ARG2: variants seen among roughly 807,000 people sequenced by gnomAD.
ARG2 encodes arginase 2.
Under a neutral mutation model 39.4 loss-of-function variants are expected in ARG2, and 21 were observed. That is an observed-to-expected ratio of 0.53 (90% CI 0.38 to 0.77). The LOEUF (loss-of-function observed/expected upper bound fraction) is 0.77. Among genes scored for constraint, ARG2 ranks in the 30% least tolerant of loss-of-function variants. The probability of loss-of-function intolerance (pLI) is 0.00; values close to 1 mark genes in which losing one functional copy is unlikely to be tolerated. For missense variants in ARG2, 378 were observed against 426.2 expected (o/e 0.89, Z 1.00); for synonymous variants, 150 against 156.7 (o/e 0.96, Z 0.32).
At position 67,650,947 on chromosome 14, in the gene ARG2, C is replaced by A; in HGVS notation, c.*27C>A. ...AGACACTGTGCACTGACATGTTTCA[C>A]AACAGGCATTCCAGAATTATGAGGC... is the stretch of plus-strand genomic sequence containing the variant. On this transcript the variant is annotated 3_prime_UTR_variant, in exon 8 of 8. Transcript: ENST00000261783. 6.2e-7 allele frequency: 1 copy of A among 1,603,082 alleles called. No individual in the cohort carries two copies. The highest frequency in any genetic ancestry group is 1.1e-5 in the South Asian group (1 of 90,668).
intron 5 of ARG2, 82 bp downstream of exon 5, chr14:67,646,820 C>A: frequency 7.0e-7 from 1 of 1,422,710 alleles, no homozygotes; most frequent in Non-Finnish European, 9.9e-7. Flanking sequence ...TTAACTTGGT[C>A]TATTGCAGGT....
In ARG2 at chr14:67,648,244, G is replaced by A. The variant is rs2037126689; in HGVS notation, c.859+61G>A. On this transcript the variant is annotated intron_variant, in intron 7 of 7. Transcript: ENST00000261783. ...ATAGGTAAATATGCTAGAGTCTCTTGCCTGCAAAGGATCTTTTCTGCTATT... is the reference window on the plus strand; with the variant it reads ...ATAGGTAAATATGCTAGAGTCTCTTACCTGCAAAGGATCTTTTCTGCTATT... The A allele has an allele frequency of 5.9e-6, 9 of 1,530,720 alleles. No individual in the cohort carries two copies. The South Asian group carries it at 1.1e-4, about 19-fold the overall frequency. 94.8% of individuals were successfully genotyped at this position (1,530,720 alleles called of 1,614,324 possible).
Position 67,651,455 on chromosome 14 carries a change from G to C in ARG2, c.*535G>C. 2 of 1,613,952 alleles carry C rather than the reference G, an allele frequency of 1.2e-6. No homozygotes were observed. Among genetic ancestry groups the C allele is most frequent in the Non-Finnish European group, 1.7e-6 (2 of 1,179,820 alleles). ...GGCGAGCTCCAGTAAGATGATAATG[G>C]AAAGCAGCAGCTTGTTGGTTGTCAC... On this transcript the variant is annotated 3_prime_UTR_variant, in exon 8 of 8. Transcript: ENST00000261783.
At chr14:67,628,723 A>G (rs916046986) in intron 2 of ARG2, among the ~76,000 whole-genome samples, 3 of 152,232 alleles carry the variant, frequency 2.0e-5, no homozygotes, top group African/African-American at 7.2e-5. Flanking sequence ...ATCAAAACAG[A>G]AAATAAGAAG....
At chr14:67,635,929 T>G (rs1417425890) in intron 2 of ARG2, among the ~76,000 whole-genome samples, 1 of 152,178 alleles carries the variant, frequency 6.6e-6, no homozygotes, top group African/African-American at 2.4e-5. Context: ...TGTAAAATAT[T>G]TGAGTCTGTA....
rs1474388027 is a variant in ARG2, at chr14:67,629,739, CTT to C, written c.184+8775_184+8776del. On this transcript the variant is annotated intron_variant, in intron 2 of 7. Coordinates refer to ENST00000261783, the MANE Select transcript of ARG2 (RefSeq NM_001172.4). ...TAATAACGAATGCACTGCATAAAAA[CTT>C]TATAGTTTCATTATTGTGAAATGTG... Among the ~76,000 whole-genome samples the C allele has an allele frequency of 2.0e-5, 3 of 152,216 alleles. No individual in the cohort carries two copies. In the East Asian group the frequency reaches 5.8e-4, roughly 29 times the overall value.
rs1223588276 is a variant in ARG2 at position 67,650,887 on chromosome 14, T to TATTTTTTTTC, written c.1032_1033insATTTTTTTTC (p.Glu345IlefsTer20). 30 of 1,614,018 alleles carry TATTTTTTTTC rather than the reference T, an allele frequency of 1.9e-5. No individual in the cohort carries two copies. The highest frequency in any genetic ancestry group is 2.5e-5 in the Non-Finnish European group (29 of 1,180,012). ...AACTTCCTACTCCCAGTTCACCAGA[T>TATTTTTTTTC]GAATCAGAAAATCAAGCACGTGTGA... On this transcript the variant is annotated frameshift_variant, in exon 8 of 8. Coordinates refer to ENST00000261783, the MANE Select transcript of ARG2 (RefSeq NM_001172.4). LOFTEE classifies it high-confidence loss of function.
In ARG2 at chr14:67,645,724, C is replaced by A; in HGVS notation, c.444C>A (p.Ile148=). 1 of 1,614,046 alleles carries A rather than the reference C, an allele frequency of 6.2e-7. No individual in the cohort carries two copies. Among genetic ancestry groups the A allele is most frequent in the Non-Finnish European group, 8.5e-7 (1 of 1,179,950 alleles). ...CVVWVDAHAD[I]NTPLTTSSGN... is the part of the protein sequence containing the mutation. ...TCTGGGTTGATGCCCATGCTGACAT[C>A]AACACACCCCTTACCACTTCATCAG... The change falls in exon 4 of 8, where the codon ATC becomes ATA. Residue 148 remains isoleucine, a synonymous_variant. Transcript: ENST00000261783.
intron 2 of ARG2, among the ~76,000 whole-genome samples, chr14:67,634,594 C>CAAA (rs5809357): frequency 1.7e-5 from 2 of 115,328 alleles, no homozygotes; most frequent in East Asian, 2.6e-4. Context: ...ACCGTGTCTC[C>CAAA]AAAAAAAAAA....
chr14:67,650,871 CT>C lies in ARG2; in HGVS notation c.1017del (p.Ser341ValfsTer12). 1 of 1,614,198 alleles carries C rather than the reference CT, an allele frequency of 6.2e-7. No homozygotes were observed. The highest frequency in any genetic ancestry group is 8.5e-7 in the Non-Finnish European group (1 of 1,180,008). ...CATATTGTCTATGACCAACTTCCTACTCCCAGTTCACCAGATGAATCAGAAA... is the reference window on the plus strand; with the variant it reads ...CATATTGTCTATGACCAACTTCCTACCCCAGTTCACCAGATGAATCAGAAA... The part of the protein sequence containing the change: ...GGHIVYDQLP[T>X]PSSPDESENQ... On this transcript the variant is annotated frameshift_variant, in exon 8 of 8. Coordinates refer to ENST00000261783, the MANE Select transcript of ARG2 (RefSeq NM_001172.4). LOFTEE classifies it high-confidence loss of function.
rs55642854 is a variant in ARG2, at chr14:67,632,808, ATTTTTTTTTT to A, written c.185-9357_185-9348del. ...TCAACAGGGAGAATTAAGCCTCTTA[ATTTTTTTTTT>A]TTTTTTTTTTTTTTTTTTTTGAGGC... On this transcript the variant is annotated intron_variant, in intron 2 of 7. Transcript: ENST00000261783. Among the ~76,000 whole-genome samples the A allele has an allele frequency of 5.9e-4, 37 of 62,416 alleles. No individual in the cohort carries two copies. The South Asian group carries it at 6.2e-3, about 10-fold the overall frequency. 40.9% of individuals were successfully genotyped at this position (62,416 alleles called of 152,430 possible).
intron 2 of ARG2, among the ~76,000 whole-genome samples, chr14:67,638,561 C>T (rs2036996743): frequency 6.6e-6 from 1 of 152,160 alleles, no homozygotes; most frequent in Non-Finnish European, 1.5e-5. Flanking sequence ...CTTCCCCTGA[C>T]TCCTTTAGGA....
In ARG2 at chr14:67,651,199, TTGTTGC is replaced by T. The variant is rs1281539557; in HGVS notation, c.*285_*290del. On this transcript the variant is annotated 3_prime_UTR_variant, in exon 8 of 8. Coordinates refer to ENST00000261783, the MANE Select transcript of ARG2 (RefSeq NM_001172.4). ...ATTACCTTGGTATATCATACTGGTC[TTGTTGC>T]TGTTGTTCCTTCACATTTAAGTGGT... is the stretch of plus-strand genomic sequence containing the variant. 2 of 1,178,890 alleles carry T rather than the reference TTGTTGC, an allele frequency of 1.7e-6. No homozygotes were observed. The highest frequency in any genetic ancestry group is 5.1e-5 in the East Asian group (2 of 39,010). The allele number at this position is 1,178,890 out of a possible 1,614,324, so 73.0% of individuals were successfully genotyped here. A position where few individuals can be genotyped will look rare whatever the true frequency, so the allele number is the denominator to read the frequency against.
chr14:67,641,559 C>T (rs1322706110), intron 2 of ARG2, among the ~76,000 whole-genome samples: 1 of 152,216 alleles, frequency 6.6e-6, no homozygotes, highest in African/African-American at 2.4e-5. Flanking sequence ...GCAGCTAGAA[C>T]AATGCCTGGG....
At position 67,642,172 on chromosome 14, in the gene ARG2, T is replaced by C; in HGVS notation, c.185-14T>C. ...CACAGAAAATTCATCTTGTCATCCC[T>C]CATTTGCTTCCAGGCTGCCACCTAA... On this transcript the variant is annotated splice_polypyrimidine_tract_variant and intron_variant, in intron 2 of 7. Transcript: ENST00000261783. 2 of 1,612,218 alleles carry C rather than the reference T, an allele frequency of 1.2e-6. No individual in the cohort carries two copies. The highest frequency in any genetic ancestry group is 1.7e-6 in the Non-Finnish European group (2 of 1,178,408).
At position 67,651,396 on chromosome 14, in the gene ARG2, G is replaced by A. The variant is rs755290750; in HGVS notation, c.*476G>A. 5 of 1,613,862 alleles carry A rather than the reference G, an allele frequency of 3.1e-6. No individual in the cohort carries two copies. The highest frequency in any genetic ancestry group is 1.3e-5 in the African/African-American group (1 of 75,038). On this transcript the variant is annotated 3_prime_UTR_variant, in exon 8 of 8. Transcript: ENST00000261783. ...TTCCCTATAGAAGTTCAATGGCTGC[G>A]AAAGAATTTGTAGTAAACCAGGCCT...
intron 2 of ARG2, among the ~76,000 whole-genome samples, chr14:67,625,477 G>A (rs1443111012): frequency 7.3e-5 from 11 of 151,714 alleles, no homozygotes; most frequent in Admixed American, 5.9e-4. Flanking sequence ...TCAGGAGTTC[G>A]AGACCAGCCT....
chr14:67,639,924 C>CAAAAAA (rs5809358), intron 2 of ARG2, among the ~76,000 whole-genome samples: 1 of 61,826 alleles, frequency 1.6e-5, no homozygotes, highest in Non-Finnish European at 2.9e-5. Context: ...GACCCTGTCT[C>CAAAAAA]AAAAAAAAAA....
chr14:67,643,763 CCT>C lies in ARG2; in HGVS notation c.362+1401_362+1402del, dbSNP rs2037061731. On this transcript the variant is annotated intron_variant, in intron 3 of 7. Coordinates refer to ENST00000261783, the MANE Select transcript of ARG2 (RefSeq NM_001172.4). ...TGTGACTCTTCTGGTGATTATTTTC[CCT>C]GAGGTGCTGAGAAAGCTTTTCAGAT... Among the ~76,000 whole-genome samples, 5 of 147,958 alleles carry C rather than the reference CCT, an allele frequency of 3.4e-5. No individual in the cohort carries two copies. The South Asian group carries it at 1.1e-3, about 31-fold the overall frequency.
Sources: gnomAD v4.1 joint callset for allele counts (sites outside exome capture counted in the v4.1 genomes callset) on GRCh38, gnomAD v4.1.1 for gene constraint, MANE v1.5 for transcripts, NCBI Gene and HGNC (gene_info 2026-07-23, HGNC 2026-07-21) for gene names.